The following ANTXR1 variants were observed in gnomAD, a reference collection of about 807,000 sequenced individuals.
ANTXR1 encodes the protein ANTXR cell adhesion molecule 1, also known as anthrax toxin receptor 1.
Under a neutral mutation model 78.1 loss-of-function variants are expected in ANTXR1, and 19 were observed. The ratio of observed to expected loss-of-function variants is 0.24; its 90% CI spans 0.17 to 0.36. ANTXR1 has a LOEUF of 0.36. Ranked by LOEUF, ANTXR1 falls within the 10% of genes least tolerant of loss-of-function variation. ANTXR1 has a pLI of 1.00. For synonymous variants in ANTXR1, 273 were observed against 260.5 expected (o/e 1.05, Z -0.46); for missense variants, 518 against 718.6 (o/e 0.72, Z 3.19).
At chr2:69,083,422 G>A (rs770196778) in intron 8 of ANTXR1, among the ~76,000 whole-genome samples, 15 of 152,122 alleles carry the variant, frequency 9.9e-5, no homozygotes, top group Non-Finnish European at 1.9e-4. Flanking sequence ...GCACCCTTCA[G>A]TCTTCCCATC....
chr2:69,034,509 A>C (rs1671618399), intron 1 of ANTXR1, among the ~76,000 whole-genome samples: 1 of 152,244 alleles, frequency 6.6e-6, no homozygotes, highest in African/African-American at 2.4e-5. Context: ...TCTGAGACCA[A>C]GTTGACCTAT....
intron 6 of ANTXR1, among the ~76,000 whole-genome samples, chr2:69,074,964 C>T (rs1469266394): frequency 2.0e-5 from 3 of 152,128 alleles, no homozygotes; most frequent in African/African-American, 7.2e-5. Flanking sequence ...CATTATGTTG[C>T]CATCCCAATG....
intron 11 of ANTXR1, 113 bp from the exon 12 acceptor site, chr2:69,124,452 C>T: frequency 1.1e-6 from 1 of 921,792 alleles, no homozygotes; most frequent in Non-Finnish European, 1.8e-6. Flanking sequence ...GAAGAGACTC[C>T]AGTCTCAAGG....
At chr2:69,071,475 C>A (rs1266779217) in intron 4 of ANTXR1, among the ~76,000 whole-genome samples, 1 of 152,200 alleles carries the variant, frequency 6.6e-6, no homozygotes, top group African/African-American at 2.4e-5. Flanking sequence ...GGTGATTGGA[C>A]TTTTTCAGCT....
At chr2:69,135,343 G>A (rs896961026) in intron 12 of ANTXR1, among the ~76,000 whole-genome samples, 1 of 152,122 alleles carries the variant, frequency 6.6e-6, no homozygotes, top group African/African-American at 2.4e-5. Context: ...AGAAAACACT[G>A]AGATAAGCCA....
intron 12 of ANTXR1, among the ~76,000 whole-genome samples, chr2:69,143,005 T>C (rs1673113664): frequency 6.6e-6 from 1 of 152,236 alleles, no homozygotes. Flanking sequence ...GAAAGGGATG[T>C]ATCACTTCCA....
intron 3 of ANTXR1, among the ~76,000 whole-genome samples, chr2:69,045,239 G>A (rs556664306): frequency 1.3e-5 from 2 of 152,258 alleles, no homozygotes; most frequent in Non-Finnish European, 2.9e-5. Flanking sequence ...AATTACCCAG[G>A]AAGGGAGTAG....
intron 12 of ANTXR1, among the ~76,000 whole-genome samples, chr2:69,138,454 G>T (rs948604424): frequency 1.5e-4 from 23 of 152,104 alleles, no homozygotes; most frequent in African/African-American, 5.6e-4. Flanking sequence ...GGACTGACAG[G>T]ATTTATATTG....
chr2:69,226,183 C>A (rs181797657), intron 17 of ANTXR1, among the ~76,000 whole-genome samples: 1 of 152,308 alleles, frequency 6.6e-6, no homozygotes, highest in East Asian at 1.9e-4. Flanking sequence ...ATTGCAGGGT[C>A]TTTGGAGACT....
At chr2:69,190,431 A>G (rs1473977943) in intron 16 of ANTXR1, among the ~76,000 whole-genome samples, 38 of 152,232 alleles carry the variant, frequency 2.5e-4, no homozygotes, top group Non-Finnish European at 4.4e-5. Flanking sequence ...TACACTCTGT[A>G]TTACATTCTT....
At position 69,176,171 on chromosome 2, in the gene ANTXR1, TAA is replaced by T. The variant is rs5831965; in HGVS notation, c.1090-5601_1090-5600del. Among the ~76,000 whole-genome samples, 299 of 139,242 alleles carry T rather than the reference TAA, an allele frequency of 2.1e-3. 2 individuals are homozygous for T. Among genetic ancestry groups the T allele is most frequent in the Middle Eastern group, 7.3e-3 (2 of 274 alleles). The allele number at this position is 139,242 out of a possible 152,430, so 91.3% of individuals were successfully genotyped here. ...TTCCGTATTCTATGTTTTAATACTT[TAA>T]AAAAAAAAAAAAAGAACATTGCTGC... On this transcript the variant is annotated intron_variant, in intron 14 of 17. Coordinates refer to ENST00000303714, the MANE Select transcript of ANTXR1 (RefSeq NM_032208.3).
intron 12 of ANTXR1, chr2:69,145,266 A>C: frequency 6.6e-7 from 1 of 1,526,454 alleles, no homozygotes; most frequent in Non-Finnish European, 8.9e-7. Flanking sequence ...GGCCCTTCTA[A>C]GGCCAGGGGA....
intron 10 of ANTXR1, among the ~76,000 whole-genome samples, chr2:69,109,200 G>A (rs1054681333): frequency 2.0e-5 from 3 of 152,148 alleles, no homozygotes; most frequent in East Asian, 1.9e-4. Context: ...AATGGGGCCC[G>A]ATGCACAGTT....
At chr2:69,239,822 A>G (rs1675854350) in intron 17 of ANTXR1, among the ~76,000 whole-genome samples, 1 of 152,208 alleles carries the variant, frequency 6.6e-6, no homozygotes, top group Non-Finnish European at 1.5e-5. Flanking sequence ...GTTCAAACCC[A>G]AGGAAATCCA....
At chr2:69,215,943 C>A (rs577157129) in intron 17 of ANTXR1, among the ~76,000 whole-genome samples, 48 of 152,272 alleles carry the variant, frequency 3.2e-4, no homozygotes, top group East Asian at 1.3e-3. Flanking sequence ...CAGTCATTTA[C>A]ACTTAAGAAG....
At chr2:69,037,355 TG>T (rs1445936293) in intron 1 of ANTXR1, among the ~76,000 whole-genome samples, 7 of 152,206 alleles carry the variant, frequency 4.6e-5, no homozygotes, top group African/African-American at 1.7e-4. Context: ...CAGGGGATGC[TG>T]ACAGAGAGGT....
chr2:69,202,809 T>C (rs1356042122), intron 17 of ANTXR1, among the ~76,000 whole-genome samples: 2 of 152,346 alleles, frequency 1.3e-5, no homozygotes, highest in East Asian at 3.9e-4. Flanking sequence ...ATTGCTCCTA[T>C]GCTGGCAGCA....
chr2:69,203,020 G>A (rs1674811831), intron 17 of ANTXR1, among the ~76,000 whole-genome samples: 1 of 152,096 alleles, frequency 6.6e-6, no homozygotes, highest in African/African-American at 2.4e-5. Flanking sequence ...ATGACCAAAA[G>A]AACCAAGTTA....
At chr2:69,115,187 C>T (rs1672103144) in intron 10 of ANTXR1, among the ~76,000 whole-genome samples, 1 of 152,176 alleles carries the variant, frequency 6.6e-6, no homozygotes, top group South Asian at 2.1e-4. Flanking sequence ...TGCTAGTTGC[C>T]CCTTGAGGGG....
Sources: allele counts gnomAD v4.1 joint callset (sites outside exome capture counted in the v4.1 genomes callset), GRCh38; gene constraint gnomAD v4.1.1; transcripts MANE v1.5; gene names NCBI Gene and HGNC (gene_info 2026-07-23, HGNC 2026-07-21).